Variants in HIKESHI observed in about 807,000 individuals in gnomAD.
HIKESHI encodes heat shock protein nuclear import factor hikeshi.
Under a neutral mutation model 25.7 loss-of-function variants are expected in HIKESHI, and 13 were observed. The observed-to-expected ratio is 0.51, with a 90% CI of 0.33 to 0.80. The LOEUF (loss-of-function observed/expected upper bound fraction) is 0.80, where lower values mean the gene tolerates loss of function less well. HIKESHI is among the 30% of genes least tolerant of loss of function. The pLI is 0.02. For missense variants in HIKESHI, 174 were observed against 229.5 expected, an observed-to-expected ratio of 0.76 and a Z score of 1.56; for synonymous variants, 76 against 78.7, an observed-to-expected ratio of 0.97 and a Z score of 0.18.
intron 2 of HIKESHI, among the ~76,000 whole-genome samples, chr11:86,323,738 T>C (rs1947205684): frequency 6.6e-6 from 1 of 152,200 alleles, no homozygotes; most frequent in African/African-American, 2.4e-5. Context: ...CACTTTAGGA[T>C]CATAAGAACA....
At chr11:86,302,563 G>A (rs1202670154) in intron 1 of HIKESHI, 85 bp downstream of exon 1, 4 of 1,467,688 alleles carry the variant, frequency 2.7e-6, no homozygotes, top group Non-Finnish European at 3.7e-6. Context: ...CAGGCGCTAG[G>A]GATGCGGGGA....
intron 3 of HIKESHI, among the ~76,000 whole-genome samples, chr11:86,338,657 T>C (rs1473156279): frequency 2.0e-5 from 3 of 152,146 alleles, no homozygotes; most frequent in South Asian, 2.1e-4. Context: ...CTTTTGAAGG[T>C]TGTGGTCATG....
chr11:86,314,081 A>C (rs922867223), intron 2 of HIKESHI, among the ~76,000 whole-genome samples: 1 of 152,212 alleles, frequency 6.6e-6, no homozygotes, highest in African/African-American at 2.4e-5. Flanking sequence ...GTATTCTACA[A>C]AGTATGTGTA....
intron 1 of HIKESHI, 84 bp from the exon 2 acceptor site, chr11:86,306,161 G>A (rs1051306831): frequency 3.5e-6 from 3 of 852,766 alleles, no homozygotes; most frequent in Non-Finnish European, 5.7e-6. Flanking sequence ...GGATTATGCT[G>A]GTAATATAAC....
In HIKESHI at chr11:86,307,958, T is replaced by A. The variant is rs796128884; in HGVS notation, c.268+1476T>A. On this transcript the variant is annotated intron_variant, in intron 2 of 4. Coordinates refer to ENST00000278483, the MANE Select transcript of HIKESHI (RefSeq NM_016401.4). ...AAATATATATTATGTGTAATATATATTATATAAAATATATATGTGTAATAT... is the reference window on the plus strand; with the variant it reads ...AAATATATATTATGTGTAATATATAATATATAAAATATATATGTGTAATAT... 2.7e-3 allele frequency among the ~76,000 whole-genome samples: 42 copies of A among 15,710 alleles called. 8 individuals carry two copies. The highest frequency in any genetic ancestry group is 0.015 in the African/African-American group (40 of 2,694). 10.3% of individuals were successfully genotyped at this position (15,710 alleles called of 152,430 possible). A position where few individuals can be genotyped will look rare whatever the true frequency, so the allele number is the denominator to read the frequency against.
chr11:86,323,451 G>T (rs1261310514), intron 2 of HIKESHI, among the ~76,000 whole-genome samples: 1 of 152,134 alleles, frequency 6.6e-6, no homozygotes, highest in Non-Finnish European at 1.5e-5. Flanking sequence ...TTTGTACCCA[G>T]AGTACATTGC....
chr11:86,328,788 G>A (rs1488244389), intron 2 of HIKESHI, among the ~76,000 whole-genome samples: 7 of 151,854 alleles, frequency 4.6e-5, no homozygotes, highest in African/African-American at 1.7e-4. Flanking sequence ...TGTTGGCTAG[G>A]CTGGTCTTGA....
intron 2 of HIKESHI, chr11:86,324,207 A>G (rs1947217628): frequency 6.6e-6 from 1 of 152,196 alleles, no homozygotes; most frequent in Non-Finnish European, 1.5e-5. Context: ...TGGACACCCA[A>G]CCAGCGTAGT....
chr11:86,305,692 G>C (rs1287448935), intron 1 of HIKESHI, among the ~76,000 whole-genome samples: 1 of 151,958 alleles, frequency 6.6e-6, no homozygotes, highest in Non-Finnish European at 1.5e-5. Flanking sequence ...TATTTTTTAT[G>C]TAAGTAAAAT....
chr11:86,342,503 G>A (rs1008638069), intron 3 of HIKESHI, among the ~76,000 whole-genome samples: 1 of 93,460 alleles, frequency 1.1e-5, no homozygotes, highest in African/African-American at 4.3e-5. Flanking sequence ...GTGTGTGTGT[G>A]TGTGTGTGTG....
chr11:86,331,816 CAG>C (rs1358790339), intron 2 of HIKESHI, among the ~76,000 whole-genome samples: 1 of 151,866 alleles, frequency 6.6e-6, no homozygotes, highest in Non-Finnish European at 1.5e-5. Context: ...AGAAATGAAG[CAG>C]GGAGTTTTTA....
At position 86,324,102 on chromosome 11, in the gene HIKESHI, C is replaced by T. The variant is rs147628900; in HGVS notation, c.269-13277C>T. Reference sequence around the variant, plus strand: ...TATTGATCAGCATGAAGTTTTGAACCTGCTCCATTCCGAACTAGGCTGTTT... The same window carrying T: ...TATTGATCAGCATGAAGTTTTGAACTTGCTCCATTCCGAACTAGGCTGTTT... On this transcript the variant is annotated intron_variant, in intron 2 of 4. Transcript: ENST00000278483. The T allele has an allele frequency of 1.4e-4, 21 of 152,152 alleles. 1 individual carries two copies. Among genetic ancestry groups the T allele is most frequent in the Admixed American group, 1.2e-3 (18 of 15,268 alleles). The allele number at this position is 152,152 out of a possible 1,614,324, so 9.4% of individuals were successfully genotyped here.
In HIKESHI at chr11:86,344,795, C is replaced by A. The variant is rs772013412; in HGVS notation, c.539+74C>A. ...ATCTATTTTGTCTATGAATATATTC[C>A]TTTTTTGACATTTAAACATATTCTT... is the stretch of plus-strand genomic sequence containing the variant. On this transcript the variant is annotated intron_variant, in intron 4 of 4. Coordinates refer to ENST00000278483, the MANE Select transcript of HIKESHI (RefSeq NM_016401.4). 10 of 1,013,796 alleles carry A rather than the reference C, an allele frequency of 9.9e-6. No individual in the cohort carries two copies. In the East Asian group the frequency reaches 1.9e-4, roughly 19 times the overall value. The allele number at this position is 1,013,796 out of a possible 1,614,324, so 62.8% of individuals were successfully genotyped here. A position where few individuals can be genotyped will look rare whatever the true frequency, so the allele number is the denominator to read the frequency against.
intron 3 of HIKESHI, among the ~76,000 whole-genome samples, chr11:86,338,308 A>G (rs934323557): frequency 2.6e-5 from 4 of 152,174 alleles, no homozygotes; most frequent in Admixed American, 1.3e-4. Context: ...TTCTTAGCCT[A>G]TTATCAAGAG....
At chr11:86,325,701 A>G (rs1947261822) in intron 2 of HIKESHI, among the ~76,000 whole-genome samples, 1 of 151,300 alleles carries the variant, frequency 6.6e-6, no homozygotes, top group South Asian at 2.1e-4. Context: ...GTGAAACGCC[A>G]TCTCTACTAA....
At chr11:86,329,240 C>G (rs1260422133) in intron 2 of HIKESHI, among the ~76,000 whole-genome samples, 3 of 150,690 alleles carry the variant, frequency 2.0e-5, no homozygotes. Flanking sequence ...AGTCCACCCA[C>G]TTTTTTTCCT....
Position 86,322,558 on chromosome 11 carries a change from G to A in HIKESHI, c.269-14821G>A, listed in dbSNP as rs566933572. On this transcript the variant is annotated intron_variant, in intron 2 of 4. Transcript: ENST00000278483. Reference sequence around the variant, plus strand: ...TCTGTTGCTGTTCTTTTCTCTAACAGTGTTTTTGTTTTTTCCCATCCCCTC... The same window carrying A: ...TCTGTTGCTGTTCTTTTCTCTAACAATGTTTTTGTTTTTTCCCATCCCCTC... 3.9e-5 allele frequency among the ~76,000 whole-genome samples: 6 copies of A among 152,124 alleles called. No homozygotes were observed. The South Asian group carries it at 8.3e-4, about 21-fold the overall frequency.
At chr11:86,311,142 C>G (rs1358617915) in intron 2 of HIKESHI, among the ~76,000 whole-genome samples, 4 of 152,124 alleles carry the variant, frequency 2.6e-5, no homozygotes, top group Admixed American at 2.0e-4. Context: ...GTGGTACCAG[C>G]TATTCTTTGT....
chr11:86,316,392 A>C (rs994061630), intron 2 of HIKESHI, among the ~76,000 whole-genome samples: 2 of 152,046 alleles, frequency 1.3e-5, no homozygotes, highest in African/African-American at 4.8e-5. Flanking sequence ...GGTGCTCGTA[A>C]TCCCAGCTAC....
Sources: gnomAD v4.1 joint callset for allele counts (sites outside exome capture counted in the v4.1 genomes callset) on GRCh38, gnomAD v4.1.1 for gene constraint, MANE v1.5 for transcripts, NCBI Gene and HGNC (gene_info 2026-07-23, HGNC 2026-07-21) for gene names.